AIMP2: variants seen among roughly 807,000 people sequenced by gnomAD.
The protein encoded by AIMP2 is aminoacyl tRNA synthase complex-interacting multifunctional protein 2.
A neutral mutation model predicts 23.4 loss-of-function variants in AIMP2; 20 were observed. The observed-to-expected ratio is 0.85, with a 90% CI of 0.60 to 1.24. The LOEUF (loss-of-function observed/expected upper bound fraction) is 1.24. Among genes scored for constraint, AIMP2 ranks in the 50% most tolerant of loss-of-function variants. The pLI is 0.00. For synonymous variants in AIMP2, 210 were observed against 170.4 expected (o/e 1.23, Z -1.81); for missense variants, 515 against 414.5 (o/e 1.24, Z -2.10).
At chr7:6,020,547 G>A (rs1018699680) in intron 3 of AIMP2, among the ~76,000 whole-genome samples, 5 of 152,358 alleles carry the variant, frequency 3.3e-5, no homozygotes, top group Admixed American at 3.3e-4. Context: ...CCAAAGGATG[G>A]TGAAAGATCT....
At chr7:6,013,480 C>G (rs555556151) in intron 1 of AIMP2, among the ~76,000 whole-genome samples, 13 of 151,972 alleles carry the variant, frequency 8.6e-5, no homozygotes, top group Non-Finnish European at 1.6e-4. Flanking sequence ...AGGCTGGTCT[C>G]GAACTCCTGA....
At chr7:6,021,399 T>TTA (rs1787406709) in intron 3 of AIMP2, among the ~76,000 whole-genome samples, 1 of 149,690 alleles carries the variant, frequency 6.7e-6, no homozygotes, top group East Asian at 2.0e-4. Context: ...TCTGGAAGGA[T>TTA]TACATCATTG....
In AIMP2 at chr7:6,017,974, G is replaced by C; in HGVS notation, c.503G>C (p.Cys168Ser). The C allele has an allele frequency of 6.2e-7, 1 of 1,613,968 alleles. No homozygotes were observed. Among genetic ancestry groups the C allele is most frequent in the African/African-American group, 1.3e-5 (1 of 74,974 alleles). Residue 168 changes from cysteine to serine, a missense_variant, in exon 3 of 4, where the codon TGC (cysteine) becomes TCC (serine). Cys to Ser is a moderately radical substitution (Grantham distance 112). Transcript: ENST00000223029. ...AGCGTGCCTGAAAACCTTCTCAAGT[G>C]CTTTGGAGAACAGAATAAAAAACAG... ...VKSVPENLLK[C>S]FGEQNKKQPR...
rs1400949174 is a variant in AIMP2 at position 6,023,629 on chromosome 7, A to G, written c.901A>G (p.Arg301Gly). 6.2e-7 allele frequency: 1 copy of G among 1,614,120 alleles called. No individual in the cohort carries two copies. Among genetic ancestry groups the G allele is most frequent in the South Asian group, 1.1e-5 (1 of 91,080 alleles). The change falls in exon 4 of 4, where the codon AGG (arginine) becomes GGG (glycine). Residue 301 changes from arginine to glycine, a missense_variant. Arg to Gly is a moderately radical substitution (Grantham distance 125). Transcript: ENST00000223029. ...CSVTVPANVQ[R>G]WMRSCENLAP... The stretch of plus-strand genomic sequence containing the variant: ...TGTGACAGTGCCAGCCAATGTGCAG[A>G]GGTGGATGAGGTCTTGTGAAAACCT...
At chr7:6,019,044 C>T (rs1458240259) in intron 3 of AIMP2, among the ~76,000 whole-genome samples, 4 of 151,706 alleles carry the variant, frequency 2.6e-5, no homozygotes, top group African/African-American at 7.3e-5. Flanking sequence ...TGAAGATGAG[C>T]ATGAAATCCC....
At position 6,013,872 on chromosome 7, in the gene AIMP2, G is replaced by A. The variant is rs59837756; in HGVS notation, c.136-1274G>A. On this transcript the variant is annotated intron_variant, in intron 1 of 3. Coordinates refer to ENST00000223029, the MANE Select transcript of AIMP2 (RefSeq NM_006303.4). The stretch of plus-strand genomic sequence containing the variant: ...AGACTAAGGCAGGAGGATCACTTGA[G>A]CCCAGGAAGTCAAGGCTGCAGTGGG... 2.6e-5 allele frequency among the ~76,000 whole-genome samples: 4 copies of A among 151,812 alleles called. No homozygotes were observed. The South Asian group carries it at 8.3e-4, about 32-fold the overall frequency.
intron 1 of AIMP2, among the ~76,000 whole-genome samples, chr7:6,012,518 G>A (rs187414176): frequency 1.5e-3 from 226 of 152,140 alleles, no homozygotes; most frequent in African/African-American, 5.2e-3. Context: ...CACAAGCCAC[G>A]TTACACATAC....
Position 6,011,417 on chromosome 7 carries a change from C to T in AIMP2, c.135+1919C>T, listed in dbSNP as rs552584162. Reference sequence around the variant, plus strand: ...TGAGGACCTTTTCATATTCACTGGCCGCTGTGATTGTGCTTTTGTAATGTA... The same window carrying T: ...TGAGGACCTTTTCATATTCACTGGCTGCTGTGATTGTGCTTTTGTAATGTA... On this transcript the variant is annotated intron_variant, in intron 1 of 3. Coordinates refer to ENST00000223029, the MANE Select transcript of AIMP2 (RefSeq NM_006303.4). Among the ~76,000 whole-genome samples, 30 of 152,214 alleles carry T rather than the reference C, an allele frequency of 2.0e-4. No homozygotes were observed. The East Asian group carries it at 4.1e-3, about 21-fold the overall frequency.
chr7:6,021,402 C>G (rs1338767902), intron 3 of AIMP2, among the ~76,000 whole-genome samples: 1 of 149,046 alleles, frequency 6.7e-6, no homozygotes, highest in East Asian at 2.0e-4. Flanking sequence ...GGAAGGATTA[C>G]ATCATTGAAG....
intron 2 of AIMP2, among the ~76,000 whole-genome samples, chr7:6,016,501 G>A (rs1164670483): frequency 2.6e-5 from 4 of 152,122 alleles, no homozygotes; most frequent in African/African-American, 9.7e-5. Flanking sequence ...GTACTTGTTG[G>A]CATGCACTGA....
At chr7:6,017,114 T>C (rs1325596069) in intron 2 of AIMP2, 1 of 152,216 alleles carries the variant, frequency 6.6e-6, no homozygotes, top group African/African-American at 2.4e-5. Context: ...ACACCCCTTC[T>C]TAAGGGGTTC....
At chr7:6,022,762 C>G (rs776496452) in intron 3 of AIMP2, 27 of 152,670 alleles carry the variant, frequency 1.8e-4, no homozygotes, top group Non-Finnish European at 3.7e-4. Flanking sequence ...TCACAGCCAT[C>G]TTGCCCTCAC....
intron 2 of AIMP2, 91 bp from the exon 3 acceptor site, chr7:6,017,723 A>G: frequency 1.8e-6 from 2 of 1,141,556 alleles, no homozygotes; most frequent in Non-Finnish European, 2.5e-6. Context: ...GGAGTCGGTT[A>G]GATAACCCTG....
intron 1 of AIMP2, among the ~76,000 whole-genome samples, chr7:6,010,454 T>G (rs1251822469): frequency 6.6e-5 from 10 of 152,042 alleles, no homozygotes; most frequent in East Asian, 3.9e-4. Flanking sequence ...TTTTGTTTTT[T>G]TTTTTGTTTT....
chr7:6,019,484 CAAAAAAAAAA>C lies in AIMP2; in HGVS notation c.574+1449_574+1458del, dbSNP rs71008351. On this transcript the variant is annotated intron_variant, in intron 3 of 3. Coordinates refer to ENST00000223029, the MANE Select transcript of AIMP2 (RefSeq NM_006303.4). Reference sequence around the variant, plus strand: ...TGGGCGACACAGCAAGACTCCGTCTCAAAAAAAAAAAAAAAAAAAGAGATCTCTTGAGGTT... The same window carrying C: ...TGGGCGACACAGCAAGACTCCGTCTCAAAAAAAAAGAGATCTCTTGAGGTT... Among the ~76,000 whole-genome samples, 241 of 111,940 alleles carry C rather than the reference CAAAAAAAAAA, an allele frequency of 2.2e-3. 7 individuals are homozygous for C. Among genetic ancestry groups the C allele is most frequent in the Middle Eastern group, 9.2e-3 (2 of 218 alleles). 73.4% of individuals were successfully genotyped at this position (111,940 alleles called of 152,430 possible).
At chr7:6,014,840 C>G (rs1412269653) in intron 1 of AIMP2, 4 of 329,722 alleles carry the variant, frequency 1.2e-5, no homozygotes, top group African/African-American at 8.6e-5. Flanking sequence ...CTGCCTCACC[C>G]TCCCGAGTAG....
chr7:6,019,572 A>G (rs1336618132), intron 3 of AIMP2, among the ~76,000 whole-genome samples: 1 of 151,914 alleles, frequency 6.6e-6, no homozygotes, highest in Non-Finnish European at 1.5e-5. Flanking sequence ...ACACTGTGGG[A>G]CACTTACAAA....
At position 6,009,286 on chromosome 7, in the gene AIMP2, C is replaced by G. The variant is rs558319832; in HGVS notation, c.-78C>G. 2.8e-5 allele frequency: 45 copies of G among 1,606,734 alleles called. No homozygotes were observed. In the South Asian group the frequency reaches 3.5e-4, roughly 13 times the overall value. ...GCAGCAGGGTCAGAAGGGAGGTGGC[C>G]GGTCTCCGTCGTGACCTCTGACGGT... On this transcript the variant is annotated 5_prime_UTR_variant, in exon 1 of 4. Transcript: ENST00000223029.
chr7:6,015,392 AG>A (rs1186048895), intron 2 of AIMP2, 40 bp downstream of exon 2: 1 of 1,598,084 alleles, frequency 6.3e-7, no homozygotes, highest in East Asian at 2.2e-5. Context: ...GTAGGTACTG[AG>A]TGGTTAGTGC....
Sources: allele counts gnomAD v4.1 joint callset (sites outside exome capture counted in the v4.1 genomes callset), GRCh38; gene constraint gnomAD v4.1.1; transcripts MANE v1.5; gene names NCBI Gene and HGNC (gene_info 2026-07-23, HGNC 2026-07-21).